Variants in CACNA1I observed in about 807,000 individuals in gnomAD.
CACNA1I encodes the protein calcium voltage-gated channel subunit alpha1 I.
A neutral mutation model predicts 201.6 loss-of-function variants in CACNA1I; 74 were observed. The observed-to-expected ratio is 0.37, with a 90% CI of 0.30 to 0.45. The LOEUF (loss-of-function observed/expected upper bound fraction) is 0.45, where lower values mean the gene tolerates loss of function less well. Among genes scored for constraint, CACNA1I ranks in the 20% least tolerant of loss-of-function variants. The pLI is 1.00. For synonymous variants in CACNA1I, 1,431 were observed against 1,345.2 expected (o/e 1.06, Z -1.40); for missense variants, 2,346 against 3,138.1 (o/e 0.75, Z 6.03).
At chr22:39,594,253 CA>C (rs1932854154) in intron 1 of CACNA1I, among the ~76,000 whole-genome samples, 1 of 151,924 alleles carries the variant, frequency 6.6e-6, no homozygotes, top group Admixed American at 6.6e-5. Context: ...GAGGAGGCAG[CA>C]GGGGCACCGG....
In CACNA1I at chr22:39,676,798, G is replaced by T. The variant is rs769804867; in HGVS notation, c.4855-543G>T. Among the ~76,000 whole-genome samples the T allele has an allele frequency of 6.6e-6, 1 of 152,184 alleles. No individual in the cohort carries two copies. The highest frequency in any genetic ancestry group is 1.5e-5 in the Non-Finnish European group (1 of 68,024). The stretch of plus-strand genomic sequence containing the variant: ...ACAGTGACAGGGATAAGTGCATTTC[G>T]GTGGTTTCGTAGAGGAGCTAGTGTT... On this transcript the variant is annotated intron_variant, in intron 29 of 36. Transcript: ENST00000402142. This position sits in a 1 kb window ranked among gnomAD's most constrained non-coding sequence, Gnocchi z 4.8.
intron 32 of CACNA1I, 42 bp downstream of exon 32, chr22:39,679,487 G>A (rs1362123288): frequency 3.6e-5 from 47 of 1,313,756 alleles, no homozygotes; most frequent in Non-Finnish European, 4.6e-5. Context: ...CCAGAGGGGG[G>A]GCACCGCAGG....
intron 8 of CACNA1I, 104 bp downstream of exon 8, chr22:39,646,985 C>G: frequency 7.0e-7 from 1 of 1,422,258 alleles, no homozygotes; most frequent in Non-Finnish European, 9.2e-7. Flanking sequence ...TCCAGGTCTT[C>G]ACTTCATGCT....
Position 39,649,677 on chromosome 22 carries a change from T to A in CACNA1I, c.1744T>A (p.Ser582Thr), listed in dbSNP as rs1934592478. ...SGQEGSGSGS[S>T]AGGEDEADGD... ...CCAGGAGGGCTCGGGCTCCGGGAGC[T>A]CCGCTGGTGGCGAGGACGAGGCGGA... The change falls in exon 10 of 37, where the codon TCC (serine) becomes ACC (threonine). Residue 582 changes from serine to threonine, a missense_variant. Transcript: ENST00000402142. This position sits in a 1 kb window ranked among gnomAD's most constrained non-coding sequence, Gnocchi z 7.3. 6.6e-7 allele frequency: 1 copy of A among 1,514,750 alleles called. No homozygotes were observed. The highest frequency in any genetic ancestry group is 2.0e-5 in the Admixed American group (1 of 48,796). The allele number at this position is 1,514,750 out of a possible 1,614,324, so 93.8% of individuals were successfully genotyped here. A position where few individuals can be genotyped will look rare whatever the true frequency, so the allele number is the denominator to read the frequency against.
chr22:39,645,080 G>A (rs960898561), intron 7 of CACNA1I, among the ~76,000 whole-genome samples: 13 of 151,568 alleles, frequency 8.6e-5, no homozygotes, highest in South Asian at 4.2e-4. Flanking sequence ...TCTGCCTTCC[G>A]GGTTCAAGTG....
intron 8 of CACNA1I, 45 bp from the exon 9 acceptor site, chr22:39,647,777 G>A (rs376989028): frequency 1.3e-5 from 18 of 1,350,942 alleles, no homozygotes; most frequent in East Asian, 4.6e-5. Flanking sequence ...TCCAGGAAAC[G>A]GTCCTGAGAA....
At chr22:39,675,559 C>A (rs1002941806) in intron 29 of CACNA1I, among the ~76,000 whole-genome samples, 1 of 152,196 alleles carries the variant, frequency 6.6e-6, no homozygotes, top group Non-Finnish European at 1.5e-5. Context: ...TGCCACTGGC[C>A]GTGAAATGGT....
At chr22:39,670,434 C>G (rs567733444) in intron 25 of CACNA1I, among the ~76,000 whole-genome samples, 2 of 152,340 alleles carry the variant, frequency 1.3e-5, no homozygotes, top group African/African-American at 4.8e-5. Context: ...ATGGCTGACA[C>G]CACTGCCAAC....
intron 1 of CACNA1I, among the ~76,000 whole-genome samples, chr22:39,597,300 G>C (rs923122869): frequency 1.3e-5 from 2 of 152,218 alleles, no homozygotes; most frequent in African/African-American, 2.4e-5. Context: ...TGGGAGGATA[G>C]ACAGTGGCGG....
chr22:39,621,396 C>T (rs2146395934), intron 4 of CACNA1I, among the ~76,000 whole-genome samples: 1 of 152,362 alleles, frequency 6.6e-6, no homozygotes, highest in East Asian at 1.9e-4. Flanking sequence ...TGTCACCCAC[C>T]CCACCCAGCC....
chr22:39,611,731 A>T (rs1251493723), intron 3 of CACNA1I, among the ~76,000 whole-genome samples: 2 of 152,186 alleles, frequency 1.3e-5, no homozygotes, highest in African/African-American at 4.8e-5. Context: ...AAACCACTGG[A>T]GTAAAGTAAC....
chr22:39,659,159 G>A lies in CACNA1I; in HGVS notation c.2330+43G>A, dbSNP rs1569085858. 6.2e-7 allele frequency: 1 copy of A among 1,604,022 alleles called. No individual in the cohort carries two copies. Among genetic ancestry groups the A allele is most frequent in the Admixed American group, 1.7e-5 (1 of 59,340 alleles). On this transcript the variant is annotated intron_variant, in intron 12 of 36. Transcript: ENST00000402142. The surrounding 1 kb of genome is among the most constrained non-coding windows in gnomAD (Gnocchi z 4.3). ...GGGGCCATACCTCAGCACCTGCTGGGGCTGTGGGCGGGAGCCTGGGGGATG... is the reference window on the plus strand; with the variant it reads ...GGGGCCATACCTCAGCACCTGCTGGAGCTGTGGGCGGGAGCCTGGGGGATG...
At position 39,679,821 on chromosome 22, in the gene CACNA1I, T is replaced by C. The variant is rs1376267206; in HGVS notation, c.5494T>C (p.Tyr1832His). Residue 1832 changes from tyrosine to histidine, a missense_variant, in exon 33 of 37, where the codon TAC becomes CAC. Tyr to His is a moderately conservative substitution (Grantham distance 83). Coordinates refer to ENST00000402142, the MANE Select transcript of CACNA1I (RefSeq NM_021096.4). The part of the protein sequence containing the change: ...DNLSGSIFHH[Y>H]SSPAGCKKCH... ...CCTGTCGGGCTCCATCTTCCACCAC[T>C]ACTCCTCGCCTGCCGGCTGCAAGAA... 2 of 1,613,020 alleles carry C rather than the reference T, an allele frequency of 1.2e-6. No homozygotes were observed. Among genetic ancestry groups the C allele is most frequent in the Non-Finnish European group, 1.7e-6 (2 of 1,179,586 alleles).
rs1176086064 is a variant in CACNA1I, at chr22:39,591,018, A to AT, written c.237-7118dup. ...ACCACCACAGCTGGCTAATTAAAAA[A>AT]TTTTTTTTTTTTTTTGCAGATATGA... is the stretch of plus-strand genomic sequence containing the variant. On this transcript the variant is annotated intron_variant, in intron 1 of 36. Transcript: ENST00000402142. 9.3e-3 allele frequency among the ~76,000 whole-genome samples: 1,372 copies of AT among 147,018 alleles called. 14 individuals are homozygous for AT. The highest frequency in any genetic ancestry group is 0.025 in the African/African-American group (1,004 of 40,098).
chr22:39,595,074 A>C (rs1030350899), intron 1 of CACNA1I, among the ~76,000 whole-genome samples: 1 of 148,738 alleles, frequency 6.7e-6, no homozygotes, highest in Non-Finnish European at 1.5e-5. Flanking sequence ...CGGATCACAA[A>C]GTCAGGAGAT....
At position 39,660,381 on chromosome 22, in the gene CACNA1I, G is replaced by C. The variant is rs1732191044; in HGVS notation, c.2642G>C (p.Ser881Thr). Reference sequence around the variant, plus strand: ...CGCTCCTACTCGGACGAGGACCAGAGCTCATCCAACATAGAAGAGTTTGAT... The same window carrying C: ...CGCTCCTACTCGGACGAGGACCAGACCTCATCCAACATAGAAGAGTTTGAT... Reference protein sequence around the residue: ...ANRSYSDEDQSSSNIEEFDKL... With the variant: ...ANRSYSDEDQTSSNIEEFDKL... Residue 881 changes from serine (S) to threonine (T), a missense_variant, in exon 15 of 37, where the codon AGC becomes ACC. Around this residue, in one of 13 missense-constraint regions of CACNA1I, gnomAD observed 92 missense variants for 114.5 expected, o/e 0.80. Transcript: ENST00000402142. 2 of 1,612,942 alleles carry C rather than the reference G, an allele frequency of 1.2e-6. No homozygotes were observed. Among genetic ancestry groups the C allele is most frequent in the Non-Finnish European group, 8.5e-7 (1 of 1,179,708 alleles).
chr22:39,603,059 G>C (rs1933114270), intron 3 of CACNA1I, among the ~76,000 whole-genome samples: 1 of 152,082 alleles, frequency 6.6e-6, no homozygotes, highest in African/African-American at 2.4e-5. Flanking sequence ...GGCTGAGGCT[G>C]GAGGCTGGGC....
intron 20 of CACNA1I, 30 bp from the exon 21 acceptor site, chr22:39,664,709 A>G (rs1211042505): frequency 2.3e-6 from 1 of 428,422 alleles, no homozygotes; most frequent in Non-Finnish European, 4.0e-6. Flanking sequence ...CTCCCGCGGC[A>G]GCCTGACCCC....
rs1935556844 is a variant in CACNA1I, at chr22:39,677,700, G to A, written c.4933+281G>A. 6.6e-6 allele frequency among the ~76,000 whole-genome samples: 1 copy of A among 152,222 alleles called. No individual in the cohort carries two copies. Among genetic ancestry groups the A allele is most frequent in the Non-Finnish European group, 1.5e-5 (1 of 68,034 alleles). On this transcript the variant is annotated intron_variant, in intron 30 of 36. Coordinates refer to ENST00000402142, the MANE Select transcript of CACNA1I (RefSeq NM_021096.4). This position sits in a 1 kb window ranked among gnomAD's most constrained non-coding sequence, Gnocchi z 4.8. ...CTCGCTGAGCTCCGCCCTGCACCGGGATGGCTCCAGAAAGCAGGGTTCCCC... is the reference window on the plus strand; with the variant it reads ...CTCGCTGAGCTCCGCCCTGCACCGGAATGGCTCCAGAAAGCAGGGTTCCCC...
Sources: allele counts gnomAD v4.1 joint callset (sites outside exome capture counted in the v4.1 genomes callset), GRCh38; gene constraint gnomAD v4.1.1; regional missense constraint gnomAD v4.1.1; non-coding constraint Gnocchi (gnomAD v3.1); transcripts MANE v1.5; gene names NCBI Gene and HGNC (gene_info 2026-07-23, HGNC 2026-07-21).